GPHN: variants seen among roughly 807,000 people sequenced by gnomAD.
GPHN encodes the protein gephyrin.
In GPHN, 17 loss-of-function variants were observed where a neutral mutation model predicts 95.5. The observed-to-expected ratio is 0.18, with a 90% CI of 0.12 to 0.27. GPHN has a LOEUF of 0.27. Ranked by LOEUF, GPHN falls within the 10% of genes least tolerant of loss-of-function variation. GPHN has a pLI of 1.00. For synonymous variants in GPHN, 320 were observed against 322.5 expected (o/e 0.99, Z 0.08); for missense variants, 660 against 978.1 (o/e 0.67, Z 4.34).
chr14:67,275,293 C>T, the GPHN span, among the ~76,000 whole-genome samples: 1 of 152,260 alleles, frequency 6.6e-6, no homozygotes, highest in South Asian at 2.1e-4. Context: ...AGATACATTC[C>T]ATCAATACCT....
intron 19 of GPHN, among the ~76,000 whole-genome samples, 193 bp from the exon 20 acceptor site, chr14:67,164,969 G>A: frequency 6.6e-6 from 1 of 151,834 alleles, no homozygotes; most frequent in Non-Finnish European, 1.5e-5. Flanking sequence ...GTGGTTACTT[G>A]AAAACAGGAA....
At chr14:67,185,014 A>G (rs2140226309), downstream of GPHN, among the ~76,000 whole-genome samples, 1 of 152,338 alleles carries the variant, frequency 6.6e-6, no homozygotes, top group South Asian at 2.1e-4. Context: ...GAAGGCTCAA[A>G]AAGCCTTATT....
chr14:66,965,371 T>A, intron 9 of GPHN, 46 bp downstream of exon 9: 1 of 1,573,702 alleles, frequency 6.4e-7, no homozygotes, highest in Non-Finnish European at 8.7e-7. Flanking sequence ...TCTATAGTAA[T>A]CTGGGAAAAC....
At chr14:66,709,712 T>A (rs973854860) in intron 2 of GPHN, among the ~76,000 whole-genome samples, 1 of 152,222 alleles carries the variant, frequency 6.6e-6, no homozygotes, top group Non-Finnish European at 1.5e-5. Context: ...AAGTCCCTCA[T>A]ACTTAGTAAG....
the GPHN span, among the ~76,000 whole-genome samples, chr14:67,610,067 A>G: frequency 1.3e-5 from 2 of 152,136 alleles, no homozygotes; most frequent in African/African-American, 2.4e-5. Flanking sequence ...GCTTCTCCCC[A>G]GGGCTGCCTC....
chr14:66,584,634 T>C (rs1052219399), intron 1 of GPHN, among the ~76,000 whole-genome samples: 1 of 152,220 alleles, frequency 6.6e-6, no homozygotes, highest in African/African-American at 2.4e-5. Context: ...TTTCTGCATC[T>C]ATTGAGATGA....
At chr14:67,223,595 A>C in the GPHN span, 36 of 424,648 alleles carry the variant, frequency 8.5e-5, no homozygotes, top group Non-Finnish European at 1.1e-4. Flanking sequence ...GAAAAATTCC[A>C]CTCTGGGCTT....
the GPHN span, among the ~76,000 whole-genome samples, chr14:67,407,073 A>G: frequency 6.6e-6 from 1 of 152,118 alleles, no homozygotes; most frequent in Admixed American, 6.5e-5. Flanking sequence ...TGAGACACAG[A>G]ATGTTACAGC....
intron 8 of GPHN, among the ~76,000 whole-genome samples, chr14:66,937,527 G>A (rs898949034): frequency 6.6e-6 from 1 of 151,878 alleles, no homozygotes; most frequent in African/African-American, 2.4e-5. Flanking sequence ...TTACAGGCAT[G>A]TGCCACCACA....
At chr14:67,067,915 G>T (rs989461931) in intron 11 of GPHN, among the ~76,000 whole-genome samples, 2 of 152,228 alleles carry the variant, frequency 1.3e-5, no homozygotes, top group African/African-American at 4.8e-5. Context: ...CTTCCTGGGT[G>T]AGGTGACGCC....
chr14:67,349,182 A>G, the GPHN span: 1 of 1,331,796 alleles, frequency 7.5e-7, no homozygotes, highest in South Asian at 1.2e-5. Flanking sequence ...TAGTTTTAAC[A>G]TTAAATGAGA....
intron 1 of GPHN, among the ~76,000 whole-genome samples, chr14:66,657,951 A>G (rs1434412989): frequency 1.3e-5 from 2 of 152,190 alleles, no homozygotes; most frequent in South Asian, 2.1e-4. Flanking sequence ...TATAGCTGCC[A>G]TAGATAGGGA....
At chr14:66,658,475 AT>A (rs1305174394) in intron 1 of GPHN, among the ~76,000 whole-genome samples, 2 of 152,136 alleles carry the variant, frequency 1.3e-5, no homozygotes, top group Non-Finnish European at 2.9e-5. Context: ...ACAGAGAAGT[AT>A]TTTGTCAAAG....
rs556148603 is a variant in GPHN at position 67,052,381 on chromosome 14, C to T, written c.1007-6268C>T. 8.6e-5 allele frequency among the ~76,000 whole-genome samples: 13 copies of T among 150,552 alleles called. No individual in the cohort carries two copies. The South Asian group carries it at 1.3e-3, about 15-fold the overall frequency. On this transcript the variant is annotated intron_variant, in intron 10 of 22. Transcript: ENST00000478722. ...CAAAAAAGACAAGGGCATTACATAA[C>T]GGTAAAGGGCTCAATTCAACAAGAA...
the GPHN span, among the ~76,000 whole-genome samples, chr14:67,506,534 TA>T: frequency 2.0e-5 from 3 of 152,116 alleles, no homozygotes; most frequent in African/African-American, 7.2e-5. Context: ...CCCATAAAAA[TA>T]ATGGGGATAG....
At chr14:67,397,750 C>T in the GPHN span, 1 of 1,613,470 alleles carries the variant, frequency 6.2e-7, no homozygotes, top group Non-Finnish European at 8.5e-7. Flanking sequence ...TCTCCGACCC[C>T]CCTCAAGCTT....
chr14:66,797,351 T>C (rs1876193353), intron 3 of GPHN, among the ~76,000 whole-genome samples: 1 of 151,966 alleles, frequency 6.6e-6, no homozygotes, highest in Admixed American at 6.6e-5. Context: ...TAGGATAGTT[T>C]TTTCCATTTC....
the GPHN span, among the ~76,000 whole-genome samples, chr14:67,469,056 A>G: frequency 2.0e-5 from 3 of 152,120 alleles, no homozygotes; most frequent in Non-Finnish European, 4.4e-5. Flanking sequence ...TGAGAGAACT[A>G]CCTTGTATAT....
chr14:67,586,824 G>T, the GPHN span: 1 of 1,469,238 alleles, frequency 6.8e-7, no homozygotes, highest in Non-Finnish European at 9.0e-7. Context: ...AACCAGAGCA[G>T]AACACTGGGC....
Sources: allele counts gnomAD v4.1 joint callset (sites outside exome capture counted in the v4.1 genomes callset), GRCh38; gene constraint gnomAD v4.1.1; transcripts MANE v1.5; gene names NCBI Gene and HGNC (gene_info 2026-07-23, HGNC 2026-07-21).